Variants in CSGALNACT1 observed in about 807,000 individuals in gnomAD.
The protein encoded by CSGALNACT1 is chondroitin sulfate N-acetylgalactosaminyltransferase 1, also known as beta4GalNAcT-1.
In CSGALNACT1, 52 loss-of-function variants were observed where a neutral mutation model predicts 51.0. The observed-to-expected ratio is 1.02, with a 90% CI of 0.82 to 1.29. CSGALNACT1 has a LOEUF of 1.29. Ranked by LOEUF, CSGALNACT1 falls within the 50% of genes most tolerant of loss-of-function variation. The pLI, the probability that CSGALNACT1 is intolerant of heterozygous loss-of-function variation, is 0.00. For missense variants in CSGALNACT1, 935 were observed against 679.2 expected (o/e 1.38, Z -4.19); for synonymous variants, 341 against 254.4 (o/e 1.34, Z -3.24).
intron 3 of CSGALNACT1, among the ~76,000 whole-genome samples, chr8:19,523,143 T>C (rs968646892): frequency 6.6e-6 from 1 of 152,320 alleles, no homozygotes; most frequent in Non-Finnish European, 1.5e-5. Flanking sequence ...AACAGTGACC[T>C]ACACTGAAGC....
At chr8:19,488,753 A>C (rs904930265) in intron 4 of CSGALNACT1, among the ~76,000 whole-genome samples, 1 of 152,160 alleles carries the variant, frequency 6.6e-6, no homozygotes, top group African/African-American at 2.4e-5. Flanking sequence ...ACAACCCGAC[A>C]GGGTAGATTA....
chr8:19,539,038 CTG>C (rs2084441358), intron 3 of CSGALNACT1, among the ~76,000 whole-genome samples: 1 of 152,142 alleles, frequency 6.6e-6, no homozygotes. Context: ...ACCAGACACT[CTG>C]TATCACATTT....
chr8:19,717,059 G>C (rs1035507179), intron 1 of CSGALNACT1, among the ~76,000 whole-genome samples: 1 of 152,198 alleles, frequency 6.6e-6, no homozygotes, highest in Non-Finnish European at 1.5e-5. Flanking sequence ...TAATTCACAG[G>C]ATTGCTGTGA....
upstream of CSGALNACT1, among the ~76,000 whole-genome samples, chr8:19,607,154 CAAAA>C (rs5889878): frequency 8.1e-6 from 1 of 124,036 alleles, no homozygotes. Context: ...GACTCCGTCT[CAAAA>C]AAAAAAAAAA....
At chr8:19,412,363 G>A (rs1585402032) in intron 8 of CSGALNACT1, among the ~76,000 whole-genome samples, 1 of 152,274 alleles carries the variant, frequency 6.6e-6, no homozygotes, top group East Asian at 1.9e-4. Flanking sequence ...AAAACACAAA[G>A]CACAAATCAG....
At chr8:19,622,430 G>A (rs1357486316) in intron 1 of CSGALNACT1, among the ~76,000 whole-genome samples, 1 of 152,166 alleles carries the variant, frequency 6.6e-6, no homozygotes, top group African/African-American at 2.4e-5. Context: ...CAAGCCAGTT[G>A]TTAAATGTAA....
intron 4 of CSGALNACT1, among the ~76,000 whole-genome samples, chr8:19,465,874 C>G (rs11994026): frequency 0.37 from 55,434 of 151,702 alleles, 10,711 homozygotes; most frequent in African/African-American, 0.46. Flanking sequence ...GATTTACCCC[C>G]TGGAGTCACT....
intron 8 of CSGALNACT1, among the ~76,000 whole-genome samples, chr8:19,416,713 C>G (rs1247378960): frequency 6.6e-6 from 1 of 152,206 alleles, no homozygotes; most frequent in Admixed American, 6.5e-5. Context: ...CTAGGAGCAA[C>G]AGCCTGTACC....
At chr8:19,721,400 A>T (rs2063121726) in intron 1 of CSGALNACT1, among the ~76,000 whole-genome samples, 1 of 152,216 alleles carries the variant, frequency 6.6e-6, no homozygotes, top group Non-Finnish European at 1.5e-5. Flanking sequence ...CAACTTCAAA[A>T]ATATTTTACC....
At chr8:19,666,835 A>AGAG (rs1564383750) in intron 1 of CSGALNACT1, among the ~76,000 whole-genome samples, 7 of 31,086 alleles carry the variant, frequency 2.3e-4, no homozygotes, top group Admixed American at 9.8e-4. Flanking sequence ...GAGAGAGAGA[A>AGAG]AGAAAGAAAG....
intron 1 of CSGALNACT1, among the ~76,000 whole-genome samples, chr8:19,667,553 C>T (rs959427826): frequency 1.3e-5 from 2 of 152,050 alleles, no homozygotes; most frequent in Admixed American, 6.5e-5. Context: ...GAGAGTCAGT[C>T]GTGTTCCACC....
intron 1 of CSGALNACT1, among the ~76,000 whole-genome samples, chr8:19,736,204 A>G (rs1375025528): frequency 6.6e-6 from 1 of 152,222 alleles, no homozygotes; most frequent in Non-Finnish European, 1.5e-5. Flanking sequence ...TTTCCTTAGC[A>G]GGGGTCAGAA....
chr8:19,631,156 A>G (rs1335168806), intron 1 of CSGALNACT1, among the ~76,000 whole-genome samples: 3 of 152,240 alleles, frequency 2.0e-5, no homozygotes, highest in African/African-American at 4.8e-5. Context: ...TAAAGTTGCT[A>G]TAAGCATTTC....
At chr8:19,502,221 T>G (rs571569462) in intron 4 of CSGALNACT1, among the ~76,000 whole-genome samples, 20 of 152,302 alleles carry the variant, frequency 1.3e-4, no homozygotes, top group African/African-American at 4.6e-4. Flanking sequence ...TGGCAGAGCA[T>G]CTCTGAGAGA....
chr8:19,753,604 G>A lies in CSGALNACT1; in HGVS notation c.-297+4246C>T, dbSNP rs1442877012. 3.3e-5 allele frequency among the ~76,000 whole-genome samples: 5 copies of A among 152,150 alleles called. No homozygotes were observed. The East Asian group carries it at 7.7e-4, about 24-fold the overall frequency. On this transcript the variant is annotated intron_variant, in intron 1 of 1. Coordinates refer to the CSGALNACT1 transcript ENST00000517494. ...CTAGCGTGGTTTTGATATATTGAGT[G>A]CTTCAGAAATCCTACTACCTCAGCC... is the stretch of plus-strand genomic sequence containing the variant.
chr8:19,603,047 T>TACACACACAC (rs5889877), upstream of CSGALNACT1, among the ~76,000 whole-genome samples: 41 of 123,116 alleles, frequency 3.3e-4, no homozygotes, highest in African/African-American at 1.2e-3. Flanking sequence ...ACTGTGTGTA[T>TACACACACAC]ACACACACAC....
At chr8:19,596,339 A>T (rs952024518) in intron 2 of CSGALNACT1, among the ~76,000 whole-genome samples, 66 of 152,284 alleles carry the variant, frequency 4.3e-4, no homozygotes, top group African/African-American at 1.5e-3. Context: ...TGTTAGTGTG[A>T]TGAGGGGGAA....
intron 4 of CSGALNACT1, among the ~76,000 whole-genome samples, chr8:19,468,109 A>G (rs1045469882): frequency 2.0e-5 from 3 of 152,200 alleles, no homozygotes; most frequent in Non-Finnish European, 2.9e-5. Flanking sequence ...GAGTCTGCCC[A>G]TGGTATAAGG....
rs980210334 is a variant in CSGALNACT1 at position 19,539,602 on chromosome 8, T to C, written c.-296-33472A>G. ...AAGCAATATAATGCAACCAAGACTGTCCTGATAAATGTATACTTTCCAGAT... is the reference window on the plus strand; with the variant it reads ...AAGCAATATAATGCAACCAAGACTGCCCTGATAAATGTATACTTTCCAGAT... On this transcript the variant is annotated intron_variant, in intron 3 of 9. Coordinates refer to ENST00000454498, the Ensembl canonical transcript of CSGALNACT1. 2.0e-5 allele frequency among the ~76,000 whole-genome samples: 3 copies of C among 152,198 alleles called. No individual in the cohort carries two copies. In the East Asian group the frequency reaches 5.8e-4, roughly 29 times the overall value.
Sources: allele counts gnomAD v4.1 joint callset (sites outside exome capture counted in the v4.1 genomes callset), GRCh38; gene constraint gnomAD v4.1.1; transcripts MANE v1.5; gene names NCBI Gene and HGNC (gene_info 2026-07-23, HGNC 2026-07-21).